The following ITPR2 variants were observed in gnomAD, a reference collection of about 807,000 sequenced individuals.
ITPR2 encodes inositol 1,4,5-trisphosphate receptor type 2.
Under a neutral mutation model 317.1 loss-of-function variants are expected in ITPR2, and 207 were observed. That is an observed-to-expected ratio of 0.65 (90% CI 0.58 to 0.73). The LOEUF (loss-of-function observed/expected upper bound fraction) is 0.73. ITPR2 is among the 30% of genes least tolerant of loss of function. The pLI is 0.00. For synonymous variants in ITPR2, 1,156 were observed against 1,149.1 expected, an observed-to-expected ratio of 1.01 and a Z score of -0.12; for missense variants, 2,613 against 3,284.0, an observed-to-expected ratio of 0.80 and a Z score of 4.99.
chr12:26,764,071 T>C (rs1217415948), intron 2 of ITPR2, among the ~76,000 whole-genome samples: 3 of 152,104 alleles, frequency 2.0e-5, no homozygotes, highest in Non-Finnish European at 4.4e-5. Context: ...CAACAGATCT[T>C]TGACTAAGGA....
At position 26,767,410 on chromosome 12, in the gene ITPR2, T is replaced by G. The variant is rs564138908; in HGVS notation, c.163+22747A>C. Among the ~76,000 whole-genome samples the G allele has an allele frequency of 4.6e-5, 7 of 152,332 alleles. 1 individual carries two copies. The highest frequency in any genetic ancestry group is 1.7e-4 in the African/African-American group (7 of 41,592). Reference sequence around the variant, plus strand: ...TTCAATATGAAACTTGACCTGAACCTTTCTCTAGTGGCTTAGAAAAAGCAT... The same window carrying G: ...TTCAATATGAAACTTGACCTGAACCGTTCTCTAGTGGCTTAGAAAAAGCAT... On this transcript the variant is annotated intron_variant, in intron 2 of 56. Coordinates refer to ENST00000381340, the MANE Select transcript of ITPR2 (RefSeq NM_002223.4).
intron 35 of ITPR2, among the ~76,000 whole-genome samples, chr12:26,556,648 T>C (rs1260813477): frequency 6.6e-6 from 1 of 150,422 alleles, no homozygotes; most frequent in Non-Finnish European, 1.5e-5. Context: ...TCTAAGGATA[T>C]ACACCTATAG....
At chr12:26,425,132 T>C (rs1941018468) in intron 49 of ITPR2, among the ~76,000 whole-genome samples, 1 of 151,890 alleles carries the variant, frequency 6.6e-6, no homozygotes, top group African/African-American at 2.4e-5. Context: ...TTTGTAGAGA[T>C]GAGGTCTCAC....
intron 45 of ITPR2, among the ~76,000 whole-genome samples, chr12:26,446,160 A>C (rs760339915): frequency 7.2e-5 from 11 of 152,134 alleles, no homozygotes; most frequent in Non-Finnish European, 1.2e-4. Context: ...GATGAAAAGC[A>C]GCTATAAAAT....
chr12:26,573,852 C>A (rs182584544), intron 34 of ITPR2, among the ~76,000 whole-genome samples: 2 of 152,260 alleles, frequency 1.3e-5, no homozygotes, highest in Admixed American at 6.5e-5. Flanking sequence ...TTTGTAAGTG[C>A]AGTGGGGAGT....
intron 2 of ITPR2, among the ~76,000 whole-genome samples, chr12:26,739,866 CAATT>C (rs1445086553): frequency 2.0e-5 from 3 of 152,102 alleles, no homozygotes; most frequent in Admixed American, 6.5e-5. Flanking sequence ...TTCTATGGAT[CAATT>C]GTTTCTCATA....
intron 48 of ITPR2, among the ~76,000 whole-genome samples, chr12:26,435,858 A>G (rs1231091131): frequency 6.6e-6 from 1 of 152,178 alleles, no homozygotes; most frequent in Non-Finnish European, 1.5e-5. Flanking sequence ...AGAGAGTAAA[A>G]TATAAACGCC....
At chr12:26,423,639 T>C (rs1940960441) in intron 49 of ITPR2, among the ~76,000 whole-genome samples, 1 of 152,068 alleles carries the variant, frequency 6.6e-6, no homozygotes, top group African/African-American at 2.4e-5. Context: ...TAAAATGAGG[T>C]TTACAAATAA....
chr12:26,788,747 C>A (rs1456023737), intron 2 of ITPR2, among the ~76,000 whole-genome samples: 4 of 152,024 alleles, frequency 2.6e-5, no homozygotes, highest in African/African-American at 7.2e-5. Context: ...CATCCAAATT[C>A]TTCTTCTTTG....
chr12:26,575,617 CAT>C (rs1208402170), intron 34 of ITPR2, among the ~76,000 whole-genome samples: 2 of 152,162 alleles, frequency 1.3e-5, no homozygotes, highest in African/African-American at 2.4e-5. Flanking sequence ...ACTTATCACA[CAT>C]GTCTTTATAG....
At chr12:26,747,089 C>T (rs1396045877) in intron 2 of ITPR2, among the ~76,000 whole-genome samples, 1 of 152,184 alleles carries the variant, frequency 6.6e-6, no homozygotes, top group African/African-American at 2.4e-5. Flanking sequence ...ACTGGTTAAA[C>T]GCCACTTAGT....
intron 46 of ITPR2, among the ~76,000 whole-genome samples, chr12:26,440,800 T>TTATTATAAGCC (rs917585188): frequency 6.6e-6 from 1 of 152,140 alleles, no homozygotes; most frequent in African/African-American, 2.4e-5. Context: ...CATGTCTAGA[T>TTATTATAAGCC]TATTATAAGC....
chr12:26,486,245 G>A lies in ITPR2; in HGVS notation c.5670C>T (p.Asp1890=), dbSNP rs778176277. The A allele has an allele frequency of 2.5e-6, 4 of 1,614,074 alleles. No individual in the cohort carries two copies. Among genetic ancestry groups the A allele is most frequent in the Middle Eastern group, 1.6e-4 (1 of 6,062 alleles). Residue 1890 remains aspartate (D), a synonymous_variant, in exon 41 of 57, where the codon GAC becomes GAT. Transcript: ENST00000381340. ...VYRREMDPEI[D]IMCTGPEAGN... is the part of the protein sequence containing the mutation. ...CCGCTTCTGGTCCTGTGCACATAAT[G>A]TCTATTTCTGGATCCATTTCTCTTC...
At chr12:26,829,427 C>T (rs1951064129) in intron 1 of ITPR2, among the ~76,000 whole-genome samples, 1 of 151,772 alleles carries the variant, frequency 6.6e-6, no homozygotes, top group Admixed American at 6.6e-5. Context: ...ACCTCCCAAG[C>T]TCAAGTGACC....
intron 39 of ITPR2, among the ~76,000 whole-genome samples, chr12:26,489,869 A>G (rs1167614393): frequency 6.6e-6 from 1 of 152,202 alleles, no homozygotes; most frequent in East Asian, 1.9e-4. Flanking sequence ...GGAGACAGTG[A>G]GAATGTAAAA....
chr12:26,777,408 G>A (rs767899788), intron 2 of ITPR2, among the ~76,000 whole-genome samples: 2 of 152,152 alleles, frequency 1.3e-5, no homozygotes, highest in Non-Finnish European at 2.9e-5. Context: ...CTAATAGTAG[G>A]AACAACAGTC....
intron 35 of ITPR2, 58 bp from the exon 36 acceptor site, chr12:26,556,433 G>GTT (rs1944662834): frequency 6.5e-7 from 1 of 1,535,766 alleles, no homozygotes; most frequent in South Asian, 1.2e-5. Flanking sequence ...TTCATCTTTC[G>GTT]AAGATAAGAC....
chr12:26,557,791 TA>T (rs1218511879), intron 35 of ITPR2, among the ~76,000 whole-genome samples: 1 of 152,222 alleles, frequency 6.6e-6, no homozygotes, highest in Non-Finnish European at 1.5e-5. Context: ...GAACTGCAGG[TA>T]ATCATAATTT....
In ITPR2 at chr12:26,391,550, CTTTTCCTTTT is replaced by C. The variant is rs1324801420; in HGVS notation, c.7697-3966_7697-3957del. ...CTGAAAGCTTCTTCTTCTTCTTCTT[CTTTTCCTTTT>C]TTTTTTTTTTTTTTTTTTTTTTTTG... is the stretch of plus-strand genomic sequence containing the variant. On this transcript the variant is annotated intron_variant, in intron 54 of 56. Coordinates refer to ENST00000381340, the MANE Select transcript of ITPR2 (RefSeq NM_002223.4). 3.6e-3 allele frequency among the ~76,000 whole-genome samples: 218 copies of C among 59,896 alleles called. 7 individuals carry two copies. The highest frequency in any genetic ancestry group is 0.011 in the Admixed American group (81 of 7,180). 39.3% of individuals were successfully genotyped at this position (59,896 alleles called of 152,430 possible).
Sources: gnomAD v4.1 joint callset for allele counts (sites outside exome capture counted in the v4.1 genomes callset) on GRCh38, gnomAD v4.1.1 for gene constraint, MANE v1.5 for transcripts, NCBI Gene and HGNC (gene_info 2026-07-23, HGNC 2026-07-21) for gene names.